Variants in TRHDE observed in about 807,000 individuals in gnomAD.
TRHDE encodes the protein thyrotropin releasing hormone degrading enzyme.
A neutral mutation model predicts 125.7 loss-of-function variants in TRHDE; 72 were observed. That is an observed-to-expected ratio of 0.57 (90% confidence interval 0.47 to 0.70). TRHDE has a LOEUF of 0.70. TRHDE is among the 30% of genes least tolerant of loss of function. The pLI is 0.00. For synonymous variants in TRHDE, 509 were observed against 509.1 expected (o/e 1.00, Z 0.00); for missense variants, 1,110 against 1,327.1 (o/e 0.84, Z 2.54).
chr12:72,316,259 T>A (rs747459260), intron 2 of TRHDE, among the ~76,000 whole-genome samples: 7 of 152,186 alleles, frequency 4.6e-5, no homozygotes, highest in Non-Finnish European at 7.4e-5. Context: ...CATCATGGAT[T>A]TGTTATATGA....
chr12:72,350,122 A>G (rs1266980882), intron 2 of TRHDE, among the ~76,000 whole-genome samples: 1 of 152,010 alleles, frequency 6.6e-6, no homozygotes, highest in Non-Finnish European at 1.5e-5. Flanking sequence ...ATATGCTAGC[A>G]TCACTTTTTC....
intron 2 of TRHDE, among the ~76,000 whole-genome samples, chr12:72,106,351 TG>T (rs533801142): frequency 2.0e-5 from 3 of 152,124 alleles, no homozygotes; most frequent in Non-Finnish European, 1.5e-5. Flanking sequence ...AAAAAATTAT[TG>T]TTAATTGATT....
intron 3 of TRHDE, among the ~76,000 whole-genome samples, chr12:72,387,200 A>C (rs1387268536): frequency 6.6e-6 from 1 of 152,188 alleles, no homozygotes; most frequent in Non-Finnish European, 1.5e-5. Context: ...TTTGAGCCCC[A>C]GATCTTAAAC....
intron 3 of TRHDE, among the ~76,000 whole-genome samples, chr12:72,424,970 T>C (rs1307937841): frequency 6.6e-6 from 1 of 152,142 alleles, no homozygotes; most frequent in East Asian, 1.9e-4. Context: ...AAAAAAGTCC[T>C]TTAAAAATGT....
intron 10 of TRHDE, 59 bp downstream of exon 10, chr12:72,568,715 T>A: frequency 8.4e-7 from 1 of 1,186,714 alleles, no homozygotes; most frequent in Non-Finnish European, 1.2e-6. Flanking sequence ...TTTAGCAACT[T>A]AACCTCTGGT....
intron 12 of TRHDE, among the ~76,000 whole-genome samples, chr12:72,592,664 TA>T (rs1356392033): frequency 1.3e-5 from 2 of 151,930 alleles, no homozygotes; most frequent in African/African-American, 4.8e-5. Context: ...GCTCTAGTAT[TA>T]GTTAAGGCCT....
intron 7 of TRHDE, among the ~76,000 whole-genome samples, chr12:72,542,968 C>A (rs1020686677): frequency 7.9e-5 from 12 of 151,232 alleles, no homozygotes; most frequent in Non-Finnish European, 4.4e-5. Flanking sequence ...AAAGCAGACA[C>A]AAGTATACTG....
At chr12:72,127,145 ATACT>A (rs1875733021) in intron 2 of TRHDE, among the ~76,000 whole-genome samples, 1 of 152,288 alleles carries the variant, frequency 6.6e-6, no homozygotes, top group South Asian at 2.1e-4. Context: ...CCACAATGAG[ATACT>A]TACACCAGTC....
chr12:72,610,053 C>A (rs7299984), intron 12 of TRHDE, among the ~76,000 whole-genome samples: 61,786 of 152,018 alleles, frequency 0.41, 14,547 homozygotes, highest in African/African-American at 0.65. Flanking sequence ...GTCTGTATTT[C>A]AATTCTAGGC....
At chr12:72,247,573 A>G (rs1010669577) in intron 2 of TRHDE, among the ~76,000 whole-genome samples, 27 of 152,306 alleles carry the variant, frequency 1.8e-4, no homozygotes, top group African/African-American at 6.3e-4. Flanking sequence ...TCCCTAGGTT[A>G]TTTTAATGTG....
chr12:72,153,522 T>C (rs1876422358), intron 2 of TRHDE, among the ~76,000 whole-genome samples: 1 of 152,256 alleles, frequency 6.6e-6, no homozygotes, highest in East Asian at 1.9e-4. Context: ...TGCTTTCTCT[T>C]GTGGACATTT....
rs1007944205 is a variant in TRHDE, at chr12:72,665,534, G to A, written c.*2339G>A. 11 of 151,958 alleles carry A rather than the reference G, an allele frequency of 7.2e-5. No individual in the cohort carries two copies. Among genetic ancestry groups the A allele is most frequent in the African/African-American group, 2.4e-4 (10 of 41,362 alleles). The allele number at this position is 151,958 out of a possible 1,614,324, so 9.4% of individuals were successfully genotyped here. On this transcript the variant is annotated 3_prime_UTR_variant, in exon 19 of 19. Transcript: ENST00000261180. ...TGTTGAAATTATATCAGGCTTTACC[G>A]GTTTTTTTAGTTGTTTAAATAAGTA...
chr12:72,568,687 T>A, intron 10 of TRHDE, 31 bp downstream of exon 10: 1 of 1,488,054 alleles, frequency 6.7e-7, no homozygotes, highest in Non-Finnish European at 9.3e-7. Flanking sequence ...TGAGGAAGTA[T>A]CTGGTTTCAG....
In TRHDE at chr12:72,499,914, T is replaced by G. The variant is rs191022760; in HGVS notation, c.1722+279T>G. On this transcript the variant is annotated intron_variant, in intron 6 of 18. Transcript: ENST00000261180. The stretch of plus-strand genomic sequence containing the variant: ...CGATATGAAATTGCTCTACAAATGA[T>G]GTTATGTAAATGTCAGTTTTTATTA... 3.3e-3 allele frequency among the ~76,000 whole-genome samples: 507 copies of G among 152,320 alleles called. 2 individuals are homozygous for G. The highest frequency in any genetic ancestry group is 0.011 in the African/African-American group (470 of 41,580).
intron 12 of TRHDE, among the ~76,000 whole-genome samples, chr12:72,594,073 T>TAC (rs1871815990): frequency 6.6e-6 from 1 of 152,122 alleles, no homozygotes; most frequent in African/African-American, 2.4e-5. Flanking sequence ...TAGTTCTAGA[T>TAC]CTTTGAGGAA....
intron 3 of TRHDE, among the ~76,000 whole-genome samples, chr12:72,418,821 A>G (rs1873835927): frequency 6.6e-6 from 1 of 152,172 alleles, no homozygotes. Flanking sequence ...GATCAAGTTT[A>G]TAATAGAATT....
chr12:72,397,897 C>T (rs7302201), intron 3 of TRHDE, among the ~76,000 whole-genome samples: 151,777 of 151,778 alleles, frequency 1, 75,888 homozygotes, highest in Middle Eastern at 1. Flanking sequence ...GTTAGTTACA[C>T]ATGTATACAT....
rs145051285 is a variant in TRHDE at position 72,145,889 on chromosome 12, C to T, written n.279+40137C>T. On this transcript the variant is annotated intron_variant and non_coding_transcript_variant, in intron 2 of 4. Coordinates refer to the TRHDE transcript ENST00000548156. ...TGATAAAACATGATTTTTATTAAAA[C>T]TAAGACTTGTTCCTTCATAGGTTTT... 6.3e-3 allele frequency among the ~76,000 whole-genome samples: 959 copies of T among 152,244 alleles called. 10 individuals are homozygous for T. Among genetic ancestry groups the T allele is most frequent in the African/African-American group, 0.022 (895 of 41,574 alleles).
intron 2 of TRHDE, among the ~76,000 whole-genome samples, chr12:72,227,870 C>T (rs1329421539): frequency 6.6e-6 from 1 of 152,186 alleles, no homozygotes; most frequent in Non-Finnish European, 1.5e-5. Flanking sequence ...AATCTTAAAG[C>T]TCCAAAATGA....
Sources: allele counts gnomAD v4.1 joint callset (sites outside exome capture counted in the v4.1 genomes callset), GRCh38; gene constraint gnomAD v4.1.1; transcripts MANE v1.5; gene names NCBI Gene and HGNC (gene_info 2026-07-23, HGNC 2026-07-21).